Variants in MAGI3 observed in about 807,000 individuals in gnomAD.
The protein encoded by MAGI3 is membrane-associated guanylate kinase, WW and PDZ domain-containing protein 3.
MAGI3 carries 43 observed loss-of-function variants against 121.8 expected under a neutral mutation model. The observed-to-expected ratio is 0.35, with a 90% confidence interval of 0.28 to 0.46. The LOEUF is 0.46. MAGI3 is among the 20% of genes least tolerant of loss of function. The pLI, the probability that MAGI3 is intolerant of heterozygous loss-of-function variation, is 1.00. For synonymous variants in MAGI3, 553 were observed against 639.3 expected (o/e 0.86, Z 2.04); for missense variants, 1,547 against 1,797.3 (o/e 0.86, Z 2.52).
chr1:113,484,157 A>G (rs556528881), intron 1 of MAGI3, among the ~76,000 whole-genome samples: 2 of 152,234 alleles, frequency 1.3e-5, no homozygotes, highest in African/African-American at 4.8e-5. Flanking sequence ...ATGATTTACC[A>G]TATGGGAAAC....
At position 113,685,459 on chromosome 1, in the gene MAGI3, A is replaced by G. The variant is rs1648486904; in HGVS notation, c.*1445A>G. ...CCTTCCCTCTGGGAGTCTGACTGTG[A>G]AACTCTTTAACCCAACAACTCAATT... On this transcript the variant is annotated 3_prime_UTR_variant, in exon 21 of 21. Transcript: ENST00000307546. The G allele has an allele frequency of 6.6e-6, 1 of 152,376 alleles. No individual in the cohort carries two copies. Among genetic ancestry groups the G allele is most frequent in the South Asian group, 2.1e-4 (1 of 4,834 alleles). The allele number at this position is 152,376 out of a possible 1,614,324, so 9.4% of individuals were successfully genotyped here.
intron 6 of MAGI3, among the ~76,000 whole-genome samples, chr1:113,611,918 C>G (rs1195917986): frequency 7.3e-6 from 1 of 136,726 alleles, no homozygotes; most frequent in African/African-American, 2.8e-5. Context: ...GGAATCATCT[C>G]CCTCTCCCTA....
intron 1 of MAGI3, among the ~76,000 whole-genome samples, chr1:113,491,719 A>G (rs758867101): frequency 2.6e-5 from 4 of 152,214 alleles, no homozygotes; most frequent in Non-Finnish European, 2.9e-5. Context: ...ATAAATAACC[A>G]TCAGAGAATA....
chr1:113,540,391 G>A (rs1480859738), intron 1 of MAGI3, among the ~76,000 whole-genome samples: 1 of 152,198 alleles, frequency 6.6e-6, no homozygotes, highest in African/African-American at 2.4e-5. Context: ...CCAATGGGGA[G>A]GAGAGATGAA....
Position 113,547,322 on chromosome 1 carries a change from TAAAAC to T in MAGI3, c.317-2189_317-2185del, listed in dbSNP as rs555575995. ...AAAAAAAAAGGAAATCGTGAGTTAA[TAAAAC>T]AAAGTATTGAGTCAGATTGTCTTTT... is the stretch of plus-strand genomic sequence containing the variant. On this transcript the variant is annotated intron_variant, in intron 1 of 20. Transcript: ENST00000307546. 3.1e-3 allele frequency among the ~76,000 whole-genome samples: 472 copies of T among 152,252 alleles called. 3 individuals are homozygous for T. Among genetic ancestry groups the T allele is most frequent in the African/African-American group, 0.011 (447 of 41,584 alleles).
chr1:113,641,834 G>A, intron 9 of MAGI3, 77 bp from the exon 10 acceptor site: 1 of 1,378,792 alleles, frequency 7.3e-7, no homozygotes. Context: ...CTAAATTGTA[G>A]TTATTTTTGC....
At chr1:113,435,554 G>C (rs1373349010) in intron 1 of MAGI3, among the ~76,000 whole-genome samples, 1 of 152,086 alleles carries the variant, frequency 6.6e-6, no homozygotes, top group East Asian at 1.9e-4. Flanking sequence ...TTCTTAATAT[G>C]TTATGTCATA....
At chr1:113,431,388 A>G (rs1653291900) in intron 1 of MAGI3, among the ~76,000 whole-genome samples, 2 of 152,298 alleles carry the variant, frequency 1.3e-5, no homozygotes, top group South Asian at 4.1e-4. Flanking sequence ...TCAGTTGGAA[A>G]TTGTAGCCAG....
chr1:113,572,928 C>T (rs1255586069), intron 2 of MAGI3, among the ~76,000 whole-genome samples: 1 of 151,216 alleles, frequency 6.6e-6, no homozygotes, highest in African/African-American at 2.4e-5. Context: ...TTCTGTTCTG[C>T]TAGCTTTTTT....
intron 16 of MAGI3, among the ~76,000 whole-genome samples, chr1:113,661,044 C>T (rs1003612792): frequency 2.0e-5 from 3 of 152,128 alleles, no homozygotes; most frequent in African/African-American, 7.2e-5. Flanking sequence ...AGGCTTTTGA[C>T]AAAGGCCACA....
rs1044678221 is a variant in MAGI3 at position 113,685,637 on chromosome 1, TATTA to T, written c.*1624_*1627del. 2.6e-5 allele frequency: 4 copies of T among 152,334 alleles called. No individual in the cohort carries two copies. Among genetic ancestry groups the T allele is most frequent in the Non-Finnish European group, 4.4e-5 (3 of 68,042 alleles). 9.4% of individuals were successfully genotyped at this position (152,334 alleles called of 1,614,324 possible). A position where few individuals can be genotyped will look rare whatever the true frequency, so the allele number is the denominator to read the frequency against. ...AGAATTTAGTACCACAGAAATTATT[TATTA>T]TTTTCCCTGTAGTCCACAATTAGTG... On this transcript the variant is annotated 3_prime_UTR_variant, in exon 21 of 21. Transcript: ENST00000307546.
intron 1 of MAGI3, among the ~76,000 whole-genome samples, chr1:113,436,288 A>T (rs1009461567): frequency 6.6e-6 from 1 of 152,074 alleles, no homozygotes; most frequent in African/African-American, 2.4e-5. Flanking sequence ...AAATAATGTA[A>T]TTGCCTTCTC....
intron 2 of MAGI3, among the ~76,000 whole-genome samples, chr1:113,577,324 CAT>C (rs1186805245): frequency 1.3e-5 from 2 of 152,080 alleles, no homozygotes; most frequent in Admixed American, 6.5e-5. Context: ...ATTGTTGAAA[CAT>C]AGCACATTGT....
intron 2 of MAGI3, among the ~76,000 whole-genome samples, chr1:113,552,335 A>G (rs1659821483): frequency 6.6e-6 from 1 of 152,146 alleles, no homozygotes; most frequent in African/African-American, 2.4e-5. Context: ...ATGGATATAA[A>G]ATTTTTGACT....
chr1:113,602,657 T>C (rs1649478608), intron 6 of MAGI3, among the ~76,000 whole-genome samples: 1 of 152,168 alleles, frequency 6.6e-6, no homozygotes, highest in African/African-American at 2.4e-5. Flanking sequence ...GTAGGCCAGA[T>C]ACTGTGGCTC....
chr1:113,660,809 G>A (rs986824030), intron 16 of MAGI3, among the ~76,000 whole-genome samples: 4 of 129,614 alleles, frequency 3.1e-5, no homozygotes, highest in African/African-American at 1.2e-4. Flanking sequence ...TCACTGTGTT[G>A]CGTAGTCTGG....
intron 16 of MAGI3, among the ~76,000 whole-genome samples, chr1:113,671,091 G>A (rs768264838): frequency 4.6e-5 from 7 of 152,138 alleles, no homozygotes; most frequent in African/African-American, 1.7e-4. Context: ...AGCTACCTTC[G>A]AGGAACAGCA....
intron 1 of MAGI3, among the ~76,000 whole-genome samples, chr1:113,464,293 T>A (rs1655169704): frequency 6.6e-6 from 1 of 152,146 alleles, no homozygotes; most frequent in Non-Finnish European, 1.5e-5. Flanking sequence ...CATAATTACC[T>A]CCCGTTTCAT....
chr1:113,510,749 A>T (rs1027150954), intron 1 of MAGI3, among the ~76,000 whole-genome samples: 4 of 152,152 alleles, frequency 2.6e-5, no homozygotes, highest in Non-Finnish European at 5.9e-5. Context: ...TAATTTTACT[A>T]GTTTCATAGT....
Sources: gnomAD v4.1 joint callset for allele counts (sites outside exome capture counted in the v4.1 genomes callset) on GRCh38, gnomAD v4.1.1 for gene constraint, MANE v1.5 for transcripts, NCBI Gene and HGNC (gene_info 2026-07-23, HGNC 2026-07-21) for gene names.